Variants in MAGI1 observed in about 807,000 individuals in gnomAD.
MAGI1 encodes the protein membrane associated guanylate kinase, WW and PDZ domain containing 1.
MAGI1 carries 58 observed loss-of-function variants against 139.9 expected under a neutral mutation model. The observed-to-expected ratio is 0.41, with a 90% CI of 0.34 to 0.52. MAGI1 has a LOEUF of 0.52. Among genes scored for constraint, MAGI1 ranks in the 20% least tolerant of loss-of-function variants. The pLI, the probability that MAGI1 is intolerant of heterozygous loss-of-function variation, is 0.12. For synonymous variants in MAGI1, 812 were observed against 737.9 expected (o/e 1.10, Z -1.63); for missense variants, 1,874 against 1,901.6 (o/e 0.99, Z 0.27).
intron 5 of MAGI1, among the ~76,000 whole-genome samples, chr3:65,462,312 G>A (rs1306260756): frequency 6.6e-6 from 1 of 152,188 alleles, no homozygotes; most frequent in Non-Finnish European, 1.5e-5. Context: ...GTAAGTAAGA[G>A]ATCCAGTTTC....
chr3:65,392,680 C>T (rs1237644765), intron 13 of MAGI1, among the ~76,000 whole-genome samples: 1 of 152,114 alleles, frequency 6.6e-6, no homozygotes, highest in Non-Finnish European at 1.5e-5. Flanking sequence ...TGCAAGGTCC[C>T]TTCATTTAAT....
chr3:65,604,406 C>G (rs188136461), intron 2 of MAGI1, among the ~76,000 whole-genome samples: 69 of 152,028 alleles, frequency 4.5e-4, no homozygotes, highest in African/African-American at 1.6e-3. Context: ...GAAAGGCAAG[C>G]AAAACAAAAG....
chr3:65,376,058 T>G (rs1006474080), intron 17 of MAGI1, 113 bp from the exon 18 acceptor site: 1 of 756,968 alleles, frequency 1.3e-6, no homozygotes, highest in Non-Finnish European at 2.1e-6. Flanking sequence ...AATTAAAGCA[T>G]TAAGCAAATG....
chr3:65,767,456 AG>A (rs1364822758), intron 1 of MAGI1, among the ~76,000 whole-genome samples: 3 of 152,072 alleles, frequency 2.0e-5, no homozygotes, highest in African/African-American at 7.2e-5. Flanking sequence ...AACACAGAAA[AG>A]AAAAAAGAAA....
intron 1 of MAGI1, among the ~76,000 whole-genome samples, chr3:65,640,082 T>C (rs943630922): frequency 6.6e-6 from 1 of 152,106 alleles, no homozygotes; most frequent in Non-Finnish European, 1.5e-5. Flanking sequence ...TGGGCTCTTC[T>C]TGGGTTCAGG....
At chr3:65,472,916 G>A (rs1389364790) in intron 4 of MAGI1, among the ~76,000 whole-genome samples, 3 of 152,168 alleles carry the variant, frequency 2.0e-5, no homozygotes, top group African/African-American at 7.2e-5. Flanking sequence ...AAAATGAAAG[G>A]TCATGATTAC....
At chr3:65,694,740 A>C (rs1226313117) in intron 1 of MAGI1, among the ~76,000 whole-genome samples, 2 of 152,232 alleles carry the variant, frequency 1.3e-5, no homozygotes, top group Non-Finnish European at 2.9e-5. Flanking sequence ...GCACTACTCA[A>C]AGCAAGGTCC....
At chr3:65,371,478 T>C (rs925685445) in intron 18 of MAGI1, among the ~76,000 whole-genome samples, 4 of 152,232 alleles carry the variant, frequency 2.6e-5, no homozygotes, top group African/African-American at 4.8e-5. Flanking sequence ...TTTTTGCTGA[T>C]GGAGGGTCTT....
At chr3:65,636,683 T>A in intron 1 of MAGI1, among the ~76,000 whole-genome samples, 1 of 150,872 alleles carries the variant, frequency 6.6e-6, no homozygotes, top group Middle Eastern at 3.4e-3. Context: ...TTTTAAACTA[T>A]GTTTATAAGG....
intron 2 of MAGI1, among the ~76,000 whole-genome samples, chr3:65,576,983 A>C (rs76265128): frequency 0.028 from 4,247 of 152,346 alleles, 99 homozygotes; most frequent in Admixed American, 0.051. Flanking sequence ...ACACAGAGTA[A>C]GTGTTCAACA....
chr3:65,817,566 T>A (rs2108232430), intron 1 of MAGI1, among the ~76,000 whole-genome samples: 1 of 152,300 alleles, frequency 6.6e-6, no homozygotes, highest in East Asian at 1.9e-4. Flanking sequence ...CTTGGTCCAA[T>A]AATATACTCG....
intron 4 of MAGI1, among the ~76,000 whole-genome samples, chr3:65,473,004 C>T (rs773954499): frequency 1.3e-5 from 2 of 152,186 alleles, no homozygotes; most frequent in African/African-American, 2.4e-5. Context: ...AAGTACTTAA[C>T]CTTGTGTGCC....
intron 1 of MAGI1, among the ~76,000 whole-genome samples, chr3:65,632,081 T>G (rs1441684955): frequency 6.6e-6 from 1 of 151,952 alleles, no homozygotes; most frequent in Non-Finnish European, 1.5e-5. Flanking sequence ...TTATACATAA[T>G]GCTGTAATAA....
At chr3:65,881,291 C>T (rs2060318126) in intron 1 of MAGI1, among the ~76,000 whole-genome samples, 1 of 152,072 alleles carries the variant, frequency 6.6e-6, no homozygotes, top group Admixed American at 6.6e-5. Context: ...TATTAGGAAA[C>T]AGATAATAAA....
intron 5 of MAGI1, among the ~76,000 whole-genome samples, chr3:65,454,658 T>G (rs185316556): frequency 9.7e-4 from 147 of 151,146 alleles, no homozygotes; most frequent in Middle Eastern, 3.5e-3. Flanking sequence ...GGTTGTAAAT[T>G]TGGGAGTTGG....
intron 2 of MAGI1, among the ~76,000 whole-genome samples, chr3:65,520,825 C>T (rs895397189): frequency 3.9e-5 from 6 of 152,288 alleles, no homozygotes; most frequent in East Asian, 3.9e-4. Flanking sequence ...CTTTCAGAAG[C>T]CTTTCGTGAC....
chr3:65,712,861 T>C (rs1405315922), intron 1 of MAGI1, among the ~76,000 whole-genome samples: 3 of 152,216 alleles, frequency 2.0e-5, no homozygotes, highest in Non-Finnish European at 4.4e-5. Context: ...AGTTGCTCAA[T>C]AAAACACTTT....
intron 12 of MAGI1, among the ~76,000 whole-genome samples, chr3:65,415,032 A>C (rs1286697965): frequency 6.6e-6 from 1 of 151,014 alleles, no homozygotes; most frequent in African/African-American, 2.4e-5. Context: ...AAAAAAAAAA[A>C]AACAGAAGAA....
intron 1 of MAGI1, among the ~76,000 whole-genome samples, chr3:65,771,923 C>T (rs2037983257): frequency 6.6e-6 from 1 of 152,154 alleles, no homozygotes; most frequent in Non-Finnish European, 1.5e-5. Flanking sequence ...TATAACCTGG[C>T]CAGGCGCGGT....
Sources: allele counts gnomAD v4.1 joint callset (sites outside exome capture counted in the v4.1 genomes callset), GRCh38; gene constraint gnomAD v4.1.1; transcripts MANE v1.5; gene names NCBI Gene and HGNC (gene_info 2026-07-23, HGNC 2026-07-21).